B3GALT5: variants seen among roughly 807,000 people sequenced by gnomAD.
The protein encoded by B3GALT5 is UDP-Gal:betaGlcNAc beta 1,3-galactosyltransferase, polypeptide 5.
For synonymous variants in B3GALT5, 156 were observed against 158.6 expected (o/e 0.98, Z 0.12); for missense variants, 328 against 396.6 (o/e 0.83, Z 1.47).
At position 39,663,842 on chromosome 21, in the gene B3GALT5, G is replaced by A. The variant is rs948562746; in HGVS notation, c.*2350G>A. 27 of 152,224 alleles carry A rather than the reference G, an allele frequency of 1.8e-4. No individual in the cohort carries two copies. Among genetic ancestry groups the A allele is most frequent in the African/African-American group, 6.0e-4 (25 of 41,416 alleles). The allele number at this position is 152,224 out of a possible 1,614,324, so 9.4% of individuals were successfully genotyped here. On this transcript the variant is annotated 3_prime_UTR_variant, in exon 4 of 4. Transcript: ENST00000684187. ...AGCGTGGGTTTCCTGGTGCTGTCTT[G>A]TCTGGATGTGAGAGTGAGAAACAAT...
In B3GALT5 at chr21:39,661,752, C is replaced by T; in HGVS notation, c.*260C>T. The T allele has an allele frequency of 2.8e-6, 1 of 357,690 alleles. No homozygotes were observed. The allele number at this position is 357,690 out of a possible 1,614,324, so 22.2% of individuals were successfully genotyped here. A position where few individuals can be genotyped will look rare whatever the true frequency, so the allele number is the denominator to read the frequency against. On this transcript the variant is annotated 3_prime_UTR_variant, in exon 4 of 4. Coordinates refer to ENST00000684187, the MANE Select transcript of B3GALT5 (RefSeq NM_001356336.2). The surrounding 1 kb of genome is among the most constrained non-coding windows in gnomAD (Gnocchi z 4.7). ...TTTTTGCATTTCAGGGGTCAGTATCCTATGACATGATGGGTGTTACCATCC... is the reference window on the plus strand; with the variant it reads ...TTTTTGCATTTCAGGGGTCAGTATCTTATGACATGATGGGTGTTACCATCC...
intron 1 of B3GALT5, among the ~76,000 whole-genome samples, chr21:39,631,978 G>T (rs919286760): frequency 2.6e-5 from 4 of 152,164 alleles, no homozygotes; most frequent in African/African-American, 9.7e-5. Flanking sequence ...GGGTGTGTTC[G>T]CAGGACTTTA....
rs1381417627 is a variant in B3GALT5 at position 39,669,088 on chromosome 21, C to G, written c.*7596C>G. 6.6e-6 allele frequency: 1 copy of G among 152,200 alleles called. No individual in the cohort carries two copies. Among genetic ancestry groups the G allele is most frequent in the East Asian group, 1.9e-4 (1 of 5,194 alleles). 9.4% of individuals were successfully genotyped at this position (152,200 alleles called of 1,614,324 possible). A position where few individuals can be genotyped will look rare whatever the true frequency, so the allele number is the denominator to read the frequency against. On this transcript the variant is annotated 3_prime_UTR_variant, in exon 4 of 4. Transcript: ENST00000684187. ...AGATTGAGTCTGTAGGGCTTTGTTT[C>G]AGCTCTTGTTCTTTTTCTTCATTTG...
At position 39,663,686 on chromosome 21, in the gene B3GALT5, C is replaced by A. The variant is rs138051575; in HGVS notation, c.*2194C>A. On this transcript the variant is annotated 3_prime_UTR_variant, in exon 4 of 4. Coordinates refer to ENST00000684187, the MANE Select transcript of B3GALT5 (RefSeq NM_001356336.2). ...AAAACATTATTTCATGAATCTAGAACTTGAAGGAACCTTAGAGCTCATTCA... is the reference window on the plus strand; with the variant it reads ...AAAACATTATTTCATGAATCTAGAAATTGAAGGAACCTTAGAGCTCATTCA... 15 of 152,314 alleles carry A rather than the reference C, an allele frequency of 9.8e-5. No individual in the cohort carries two copies. The East Asian group carries it at 1.7e-3, about 18-fold the overall frequency. The allele number at this position is 152,314 out of a possible 1,614,324, so 9.4% of individuals were successfully genotyped here. A position where few individuals can be genotyped will look rare whatever the true frequency, so the allele number is the denominator to read the frequency against.
rs775398663 is a variant in B3GALT5, at chr21:39,663,286, C to G, written c.*1794C>G. Reference sequence around the variant, plus strand: ...GGCCACTGGTCTCAGTCGGCGAGGCCGGTCCAGCTGCTGCCTCTGTGTGAC... The same window carrying G: ...GGCCACTGGTCTCAGTCGGCGAGGCGGGTCCAGCTGCTGCCTCTGTGTGAC... On this transcript the variant is annotated 3_prime_UTR_variant, in exon 4 of 4. Coordinates refer to ENST00000684187, the MANE Select transcript of B3GALT5 (RefSeq NM_001356336.2). The G allele has an allele frequency of 6.6e-6, 1 of 152,588 alleles. No homozygotes were observed. The highest frequency in any genetic ancestry group is 2.4e-5 in the African/African-American group (1 of 41,450). 9.5% of individuals were successfully genotyped at this position (152,588 alleles called of 1,614,324 possible).
chr21:39,660,825 A>G lies in B3GALT5; in HGVS notation c.266A>G (p.Lys89Arg). ...TWGKERMVKG[K>R]QLKTFFLLGT... ...GGGAAAGAGAGGATGGTGAAGGGAA[A>G]GCAGCTGAAGACATTCTTCCTCCTG... The change falls in exon 4 of 4, where the codon AAG (lysine) becomes AGG (arginine). Residue 89 changes from lysine (K) to arginine (R), a missense_variant. Physicochemically the swap from Lys to Arg is conservative, Grantham distance 26. Transcript: ENST00000684187. 2 of 1,603,116 alleles carry G rather than the reference A, an allele frequency of 1.2e-6. No homozygotes were observed. The highest frequency in any genetic ancestry group is 8.5e-7 in the Non-Finnish European group (1 of 1,174,470).
At chr21:39,643,076 G>A (rs943853403) in intron 1 of B3GALT5, among the ~76,000 whole-genome samples, 2 of 149,770 alleles carry the variant, frequency 1.3e-5, no homozygotes, top group Admixed American at 1.3e-4. Flanking sequence ...TTTTGTAAAT[G>A]TTCTTTACTA....
At position 39,669,480 on chromosome 21, in the gene B3GALT5, C is replaced by T. The variant is rs770272310; in HGVS notation, c.*7988C>T. The stretch of plus-strand genomic sequence containing the variant: ...CCTGAATGAGGGTCAAGCTGAGGTT[C>T]GAGGCCGTGGGTTTTGCATACAGAG... On this transcript the variant is annotated 3_prime_UTR_variant, in exon 4 of 4. Coordinates refer to ENST00000684187, the MANE Select transcript of B3GALT5 (RefSeq NM_001356336.2). 1.3e-5 allele frequency: 2 copies of T among 152,062 alleles called. No individual in the cohort carries two copies. Among genetic ancestry groups the T allele is most frequent in the Non-Finnish European group, 2.9e-5 (2 of 68,034 alleles). 9.4% of individuals were successfully genotyped at this position (152,062 alleles called of 1,614,324 possible). A position where few individuals can be genotyped will look rare whatever the true frequency, so the allele number is the denominator to read the frequency against.
At chr21:39,640,219 C>T (rs16998030) in intron 1 of B3GALT5, among the ~76,000 whole-genome samples, 5,506 of 152,152 alleles carry the variant, frequency 0.036, 254 homozygotes, top group African/African-American at 0.11. Flanking sequence ...TGATTCAAAC[C>T]CACTGTGGAG....
chr21:39,636,187 G>T (rs1399575618), intron 1 of B3GALT5, among the ~76,000 whole-genome samples: 1 of 152,202 alleles, frequency 6.6e-6, no homozygotes, highest in Non-Finnish European at 1.5e-5. Context: ...TCATTGTGAA[G>T]TTAATTGAGA....
chr21:39,655,554 C>A (rs562507617), intron 2 of B3GALT5, among the ~76,000 whole-genome samples: 1 of 152,164 alleles, frequency 6.6e-6, no homozygotes. Flanking sequence ...CTTCAGCTCA[C>A]TTGGGAGATT....
At chr21:39,637,239 C>T (rs1365149472) in intron 1 of B3GALT5, among the ~76,000 whole-genome samples, 2 of 152,196 alleles carry the variant, frequency 1.3e-5, no homozygotes, top group Non-Finnish European at 2.9e-5. Flanking sequence ...TCTGTTCCTG[C>T]ACTTGCAGCT....
chr21:39,624,360 T>G (rs1448393004), intron 1 of B3GALT5, among the ~76,000 whole-genome samples: 3 of 152,302 alleles, frequency 2.0e-5, no homozygotes, highest in Middle Eastern at 3.4e-3. Flanking sequence ...TGAACTTACT[T>G]TTTTCATTTC....
intron 1 of B3GALT5, among the ~76,000 whole-genome samples, chr21:39,624,657 A>G (rs150969747): frequency 6.6e-6 from 1 of 152,352 alleles, no homozygotes; most frequent in East Asian, 1.9e-4. Context: ...GGTGGTGGAC[A>G]TTCCATAGAC....
chr21:39,627,570 C>CT (rs540288037), intron 1 of B3GALT5, among the ~76,000 whole-genome samples: 46 of 149,798 alleles, frequency 3.1e-4, no homozygotes, highest in East Asian at 1.8e-3. Context: ...TCCCCCCAAC[C>CT]TTTTTTTTTT....
intron 1 of B3GALT5, among the ~76,000 whole-genome samples, chr21:39,635,383 TA>T (rs1185680652): frequency 6.6e-6 from 1 of 152,212 alleles, no homozygotes; most frequent in Non-Finnish European, 1.5e-5. Context: ...TCTGCCATAT[TA>T]ACAAATCACG....
intron 1 of B3GALT5, among the ~76,000 whole-genome samples, chr21:39,635,731 C>T (rs1373927271): frequency 1.3e-5 from 2 of 152,138 alleles, no homozygotes; most frequent in East Asian, 1.9e-4. Context: ...CCACCCACCT[C>T]GGCCTCCCAA....
chr21:39,639,298 CTTTCT>C (rs1176057308), intron 1 of B3GALT5, among the ~76,000 whole-genome samples: 1 of 65,592 alleles, frequency 1.5e-5, no homozygotes, highest in Non-Finnish European at 3.0e-5. Flanking sequence ...CTCTTTCTTT[CTTTCT>C]TTCTTTCTTT....
intron 1 of B3GALT5, among the ~76,000 whole-genome samples, chr21:39,641,267 C>T (rs986865138): frequency 5.3e-5 from 8 of 152,150 alleles, no homozygotes; most frequent in African/African-American, 1.7e-4. Flanking sequence ...TTTTAGCTTC[C>T]GACACTACAG....
Sources: allele counts gnomAD v4.1 joint callset (sites outside exome capture counted in the v4.1 genomes callset), GRCh38; gene constraint gnomAD v4.1.1; non-coding constraint Gnocchi (gnomAD v3.1); transcripts MANE v1.5; gene names NCBI Gene and HGNC (gene_info 2026-07-23, HGNC 2026-07-21).